FYN: variants seen among roughly 807,000 people sequenced by gnomAD.
FYN encodes tyrosine-protein kinase Fyn.
In FYN, 10 loss-of-function variants were observed where a neutral mutation model predicts 70.2. The observed-to-expected ratio is 0.14, with a 90% CI of 0.09 to 0.24. The LOEUF is 0.24. FYN is among the 10% of genes least tolerant of loss of function. The pLI, the probability that FYN is intolerant of heterozygous loss-of-function variation, is 1.00. For missense variants in FYN, 319 were observed against 673.1 expected (o/e 0.47, Z 5.82); for synonymous variants, 236 against 248.6 (o/e 0.95, Z 0.48).
chr6:111,787,005 T>C (rs1165218100), intron 2 of FYN, among the ~76,000 whole-genome samples: 2 of 152,190 alleles, frequency 1.3e-5, no homozygotes, highest in Non-Finnish European at 2.9e-5. Context: ...TTTTCTCCCA[T>C]TCTGTAGGTT....
At chr6:111,740,592 G>A (rs1275211023) in intron 3 of FYN, among the ~76,000 whole-genome samples, 2 of 152,138 alleles carry the variant, frequency 1.3e-5, no homozygotes, top group African/African-American at 4.8e-5. Context: ...GTTTCCTATT[G>A]TCTTTGGAAT....
chr6:111,668,046 T>C (rs1403235256), intron 13 of FYN, among the ~76,000 whole-genome samples: 1 of 152,238 alleles, frequency 6.6e-6, no homozygotes, highest in African/African-American at 2.4e-5. Context: ...AGGCTCCCCT[T>C]GCTTCTGTGC....
At chr6:111,826,911 G>A (rs1241063826) in intron 2 of FYN, among the ~76,000 whole-genome samples, 2 of 152,186 alleles carry the variant, frequency 1.3e-5, no homozygotes, top group Non-Finnish European at 2.9e-5. Context: ...AACCTACAGA[G>A]CTGGAAGGGA....
chr6:111,822,855 A>T (rs1180740144), intron 2 of FYN, among the ~76,000 whole-genome samples: 2 of 152,162 alleles, frequency 1.3e-5, no homozygotes, highest in African/African-American at 4.8e-5. Flanking sequence ...ACCATCATTG[A>T]CTGTCAAAGA....
At chr6:111,697,791 A>G (rs998530896) in intron 9 of FYN, among the ~76,000 whole-genome samples, 1 of 152,266 alleles carries the variant, frequency 6.6e-6, no homozygotes, top group Non-Finnish European at 1.5e-5. Flanking sequence ...AAATGTGAAC[A>G]GTATATGTAA....
chr6:111,665,739 A>C (rs1204252330), intron 13 of FYN, among the ~76,000 whole-genome samples: 4 of 152,020 alleles, frequency 2.6e-5, no homozygotes, highest in Non-Finnish European at 4.4e-5. Context: ...CTCCTGTCTC[A>C]GCCTCCTGAG....
At chr6:111,848,146 A>G (rs1773584648) in intron 1 of FYN, among the ~76,000 whole-genome samples, 1 of 152,256 alleles carries the variant, frequency 6.6e-6, no homozygotes, top group Admixed American at 6.5e-5. Context: ...GGGAACATGT[A>G]TAGAGTGGAA....
intron 2 of FYN, among the ~76,000 whole-genome samples, chr6:111,800,096 G>A (rs931389914): frequency 6.6e-6 from 1 of 152,170 alleles, no homozygotes; most frequent in Non-Finnish European, 1.5e-5. Flanking sequence ...GTGGGTATGA[G>A]TCACTTTGTG....
At chr6:111,670,706 G>C (rs1222107852) in intron 13 of FYN, among the ~76,000 whole-genome samples, 1 of 128,946 alleles carries the variant, frequency 7.8e-6, no homozygotes, top group Non-Finnish European at 1.6e-5. Context: ...AGCAGGGTGA[G>C]ATAACCAGGT....
intron 2 of FYN, among the ~76,000 whole-genome samples, chr6:111,801,591 G>A (rs1771987468): frequency 1.3e-5 from 2 of 152,172 alleles, no homozygotes; most frequent in South Asian, 2.1e-4. Context: ...TGAATACGTC[G>A]TTCACTCTCA....
intron 1 of FYN, among the ~76,000 whole-genome samples, chr6:111,865,147 C>G (rs1774069080): frequency 6.6e-6 from 1 of 152,150 alleles, no homozygotes; most frequent in Non-Finnish European, 1.5e-5. Context: ...TCCCATGGTA[C>G]TTTTTTCTCC....
intron 13 of FYN, among the ~76,000 whole-genome samples, 173 bp from the exon 14 acceptor site, chr6:111,662,120 G>A (rs765353116): frequency 1.1e-4 from 16 of 152,214 alleles, no homozygotes; most frequent in Non-Finnish European, 2.2e-4. Context: ...AAGAAGGAGT[G>A]CAGAACTGAG....
At chr6:111,778,931 T>G (rs961525764) in intron 3 of FYN, among the ~76,000 whole-genome samples, 11 of 152,070 alleles carry the variant, frequency 7.2e-5, no homozygotes, top group African/African-American at 2.7e-4. Flanking sequence ...TTCTGTGAGT[T>G]TTCACCAAAG....
At chr6:111,735,063 AGATGG>A (rs1801649874) in intron 3 of FYN, among the ~76,000 whole-genome samples, 3 of 152,192 alleles carry the variant, frequency 2.0e-5, no homozygotes, top group Admixed American at 2.0e-4. Context: ...GGCAGGGAGG[AGATGG>A]GCACTGCAGG....
intron 3 of FYN, among the ~76,000 whole-genome samples, chr6:111,764,795 T>C (rs2128496090): frequency 6.6e-6 from 1 of 152,306 alleles, no homozygotes; most frequent in Non-Finnish European, 1.5e-5. Flanking sequence ...TGGACAATGT[T>C]AAACAGAAGT....
intron 3 of FYN, among the ~76,000 whole-genome samples, chr6:111,731,495 T>C (rs1768691014): frequency 6.6e-6 from 1 of 152,224 alleles, no homozygotes; most frequent in African/African-American, 2.4e-5. Flanking sequence ...GGCTGGTGTC[T>C]TTCCTTTGAA....
At chr6:111,721,883 C>A (rs1173629060) in intron 3 of FYN, among the ~76,000 whole-genome samples, 1 of 152,120 alleles carries the variant, frequency 6.6e-6, no homozygotes, top group Non-Finnish European at 1.5e-5. Flanking sequence ...CTGCCAAAAC[C>A]GCAAACTAGC....
intron 7 of FYN, among the ~76,000 whole-genome samples, chr6:111,703,533 C>A (rs1799935543): frequency 6.6e-6 from 1 of 152,152 alleles, no homozygotes; most frequent in Admixed American, 6.5e-5. Flanking sequence ...AAGCTAGAGG[C>A]CACTACTCTT....
At chr6:111,682,734 G>C (rs1162659854) in intron 12 of FYN, among the ~76,000 whole-genome samples, 1 of 152,176 alleles carries the variant, frequency 6.6e-6, no homozygotes. Flanking sequence ...AGGTATCCCT[G>C]TGCTTGCACA....
Sources: allele counts gnomAD v4.1 joint callset (sites outside exome capture counted in the v4.1 genomes callset), GRCh38; gene constraint gnomAD v4.1.1; transcripts MANE v1.5; gene names NCBI Gene and HGNC (gene_info 2026-07-23, HGNC 2026-07-21).